The following CHIC1 variants were observed in gnomAD, a reference collection of about 807,000 sequenced individuals.
CHIC1 encodes the protein cysteine rich hydrophobic domain 1, also known as cysteine-rich hydrophobic domain-containing protein 1.
CHIC1 carries 7 observed loss-of-function variants against 18.5 expected under a neutral mutation model. The observed-to-expected ratio is 0.38, with a 90% confidence interval of 0.22 to 0.71. The LOEUF (loss-of-function observed/expected upper bound fraction) is 0.71. Among genes scored for constraint, CHIC1 ranks in the 30% least tolerant of loss-of-function variants. The pLI is 0.49. For missense variants in CHIC1, 159 were observed against 176.9 expected (o/e 0.90, Z 0.57); for synonymous variants, 77 against 73.5 (o/e 1.05, Z -0.25).
chrX:73,663,841 G>T (rs942885750), intron 3 of CHIC1, among the ~76,000 whole-genome samples: 1 of 111,149 alleles, frequency 9.0e-6, no homozygotes, highest in African/African-American at 3.3e-5. Context: ...CCAGGGGAAA[G>T]GATATGCAGA....
At chrX:73,582,403 G>A (rs180787925) in intron 2 of CHIC1, among the ~76,000 whole-genome samples, 79 of 109,348 alleles carry the variant, frequency 7.2e-4, no homozygotes, top group African/African-American at 2.3e-3. Flanking sequence ...GAATATTGCT[G>A]TTGGAGAGGT....
At chrX:73,625,896 G>A (rs768147962) in intron 3 of CHIC1, among the ~76,000 whole-genome samples, 2 of 110,362 alleles carry the variant, frequency 1.8e-5, no homozygotes, top group Admixed American at 9.7e-5. Context: ...CCTAAATTGG[G>A]CCTCTAACTC....
intron 3 of CHIC1, among the ~76,000 whole-genome samples, chrX:73,605,065 T>C (rs953332573): frequency 9.2e-6 from 1 of 108,347 alleles, no homozygotes; most frequent in African/African-American, 3.6e-5. Context: ...CTTAATTTTC[T>C]GTCTCGTTGA....
At chrX:73,644,370 C>A (rs1187835082) in intron 3 of CHIC1, among the ~76,000 whole-genome samples, 3 of 112,348 alleles carry the variant, frequency 2.7e-5, no homozygotes, top group Non-Finnish European at 5.6e-5. Flanking sequence ...GTTCTCAGAT[C>A]TCCAGCTGCA....
At chrX:73,643,963 G>C (rs1445688531) in intron 3 of CHIC1, among the ~76,000 whole-genome samples, 1 of 111,763 alleles carries the variant, frequency 8.9e-6, no homozygotes, top group Non-Finnish European at 1.9e-5. Context: ...AGAGTTTCCA[G>C]TTTTTCTGCT....
chrX:73,628,895 G>A (rs1014394242), intron 3 of CHIC1, among the ~76,000 whole-genome samples: 2 of 110,918 alleles, frequency 1.8e-5, no homozygotes, highest in Admixed American at 9.6e-5. Flanking sequence ...TAATTTTTGA[G>A]GAAACTCCAT....
At chrX:73,613,298 A>G (rs2057717628) in intron 3 of CHIC1, among the ~76,000 whole-genome samples, 2 of 111,484 alleles carry the variant, frequency 1.8e-5, no homozygotes, top group Admixed American at 1.9e-4. Flanking sequence ...ATTGTTAAAG[A>G]TGGGGCCTAA....
At chrX:73,594,960 A>G (rs898178593) in intron 3 of CHIC1, among the ~76,000 whole-genome samples, 1 of 111,591 alleles carries the variant, frequency 9.0e-6, no homozygotes, top group Non-Finnish European at 1.9e-5. Context: ...ATAGCATTCT[A>G]TTTTGTGTAA....
chrX:73,566,813 T>C (rs897441983), intron 1 of CHIC1, among the ~76,000 whole-genome samples: 3 of 111,357 alleles, frequency 2.7e-5, no homozygotes, highest in African/African-American at 9.8e-5. Flanking sequence ...TTGACACTTA[T>C]GATGATTTCT....
intron 3 of CHIC1, among the ~76,000 whole-genome samples, chrX:73,600,678 T>A (rs1260582639): frequency 5.6e-5 from 6 of 107,658 alleles, no homozygotes; most frequent in African/African-American, 1.4e-4. Flanking sequence ...ATCCCAGGGA[T>A]GAAGCCCACT....
chrX:73,626,064 AG>A (rs993819821), intron 3 of CHIC1, among the ~76,000 whole-genome samples: 3 of 111,086 alleles, frequency 2.7e-5, no homozygotes, highest in African/African-American at 6.6e-5. Flanking sequence ...ACCCCAAGAG[AG>A]GGTTCTTGGA....
intron 3 of CHIC1, among the ~76,000 whole-genome samples, chrX:73,609,071 C>G (rs2057695749): frequency 9.5e-6 from 1 of 105,494 alleles, no homozygotes; most frequent in Non-Finnish European, 1.9e-5. Flanking sequence ...AGGAGAATCA[C>G]TTGAACCCAA....
intron 3 of CHIC1, among the ~76,000 whole-genome samples, chrX:73,632,097 G>A (rs1569503449): frequency 8.9e-6 from 1 of 111,795 alleles, no homozygotes; most frequent in African/African-American, 3.3e-5. Flanking sequence ...CTGATTTTCT[G>A]TCTGTATGAT....
At chrX:73,592,634 A>G (rs2484260) in intron 3 of CHIC1, among the ~76,000 whole-genome samples, 3,958 of 110,130 alleles carry the variant, frequency 0.036, 208 homozygotes, top group African/African-American at 0.12. Context: ...TTTTGTGTCT[A>G]TGTTCATCAG....
chrX:73,661,362 G>A (rs972084315), intron 3 of CHIC1, among the ~76,000 whole-genome samples: 3 of 112,001 alleles, frequency 2.7e-5, no homozygotes, highest in African/African-American at 9.7e-5. Flanking sequence ...AGTCCTCTAG[G>A]GTTAACACCT....
rs772418309 is a variant in CHIC1, at chrX:73,677,991, G to GGTTTTTTTTTTTTTTTT, written c.508-1335_508-1334insGTTTTTTTTTTTTTTTT. Among the ~76,000 whole-genome samples the GGTTTTTTTTTTTTTTTT allele has an allele frequency of 2.5e-5, 2 of 80,438 alleles. 1 individual carries two copies. 69.9% of individuals were successfully genotyped at this position (80,438 alleles called of 115,157 possible). A position where few individuals can be genotyped will look rare whatever the true frequency, so the allele number is the denominator to read the frequency against. On this transcript the variant is annotated intron_variant, in intron 3 of 5. Transcript: ENST00000373502. ...AAATTATTGTGTCCTTTTGGAGGTT[G>GGTTTTTTTTTTTTTTTT]TTTTTTTTTTTTTTTTGTCCTTACA...
chrX:73,652,239 G>T (rs1431822804), intron 3 of CHIC1, among the ~76,000 whole-genome samples: 1 of 111,849 alleles, frequency 8.9e-6, no homozygotes, highest in East Asian at 2.8e-4. Context: ...ATTAACTCAA[G>T]ATGGAATAAA....
Position 73,563,198 on chromosome X carries a change from T to A in CHIC1, c.-87T>A. ...CCTGTCCCTACACCCCTCCTCTTTC[T>A]CTTCATTTCGTTCCCCCTCCTCTTG... On this transcript the variant is annotated 5_prime_UTR_variant, in exon 1 of 6. Transcript: ENST00000373502. The A allele has an allele frequency of 1.2e-6, 1 of 843,203 alleles. No individual in the cohort carries two copies. Among genetic ancestry groups the A allele is most frequent in the Non-Finnish European group, 1.5e-6 (1 of 688,625 alleles). The allele number at this position is 843,203 out of a possible 1,213,427, so 69.5% of individuals were successfully genotyped here.
At chrX:73,675,172 A>C (rs1254885544) in intron 3 of CHIC1, among the ~76,000 whole-genome samples, 1 of 111,565 alleles carries the variant, frequency 9.0e-6, no homozygotes, top group African/African-American at 3.3e-5. Flanking sequence ...GTTTTGGAGT[A>C]GGTGTGGTGT....
Sources: allele counts gnomAD v4.1 joint callset (sites outside exome capture counted in the v4.1 genomes callset), GRCh38; gene constraint gnomAD v4.1.1; transcripts MANE v1.5; gene names NCBI Gene and HGNC (gene_info 2026-07-23, HGNC 2026-07-21).